Variants in KCNMA1 observed in about 807,000 individuals in gnomAD.
KCNMA1 encodes the protein potassium calcium-activated channel subfamily M alpha 1.
Under a neutral mutation model 140.0 loss-of-function variants are expected in KCNMA1, and 29 were observed. That is an observed-to-expected ratio of 0.21 (90% CI 0.15 to 0.28). KCNMA1 has a LOEUF of 0.28. Ranked by LOEUF, KCNMA1 falls within the 10% of genes least tolerant of loss-of-function variation. The pLI is 1.00. For missense variants in KCNMA1, 880 were observed against 1,602.2 expected (o/e 0.55, Z 7.70); for synonymous variants, 612 against 611.9 (o/e 1.00, Z 0.00).
chr10:76,931,415 T>A (rs2059240661), intron 23 of KCNMA1, among the ~76,000 whole-genome samples: 1 of 151,906 alleles, frequency 6.6e-6, no homozygotes, highest in Non-Finnish European at 1.5e-5. Flanking sequence ...ACAGAGAAGA[T>A]TCATTATTAG....
intron 5 of KCNMA1, among the ~76,000 whole-genome samples, chr10:77,167,669 C>T (rs1446398315): frequency 6.6e-6 from 1 of 151,580 alleles, no homozygotes; most frequent in Non-Finnish European, 1.5e-5. Flanking sequence ...AAGGCACGCT[C>T]ATTTTCTTTT....
intron 10 of KCNMA1, 77 bp downstream of exon 10, chr10:77,090,323 C>T (rs1012367398): frequency 2.8e-5 from 28 of 1,012,124 alleles, no homozygotes; most frequent in Non-Finnish European, 4.3e-5. Context: ...AAGACCTCCA[C>T]TCTTACAGAC....
chr10:77,482,561 C>T (rs1237135166), intron 1 of KCNMA1, among the ~76,000 whole-genome samples: 1 of 152,118 alleles, frequency 6.6e-6, no homozygotes, highest in Non-Finnish European at 1.5e-5. Flanking sequence ...CATCTCTCTG[C>T]CAACTAAAGC....
At chr10:77,278,081 C>A (rs1399445058) in intron 2 of KCNMA1, among the ~76,000 whole-genome samples, 1 of 152,120 alleles carries the variant, frequency 6.6e-6, no homozygotes, top group Non-Finnish European at 1.5e-5. Flanking sequence ...CTGTTGTAGA[C>A]CTTTGTGACA....
intron 12 of KCNMA1, among the ~76,000 whole-genome samples, chr10:77,083,526 G>GAGGGC (rs370787964): frequency 4.0e-5 from 6 of 149,660 alleles, no homozygotes; most frequent in South Asian, 2.1e-4. Flanking sequence ...AAAAAAAAGG[G>GAGGGC]AGGGCAGGGC....
chr10:77,394,290 TG>T (rs147893415), intron 2 of KCNMA1, among the ~76,000 whole-genome samples: 22,807 of 152,082 alleles, frequency 0.15, 2,211 homozygotes, highest in Non-Finnish European at 0.22. Flanking sequence ...ACAGCAGCCC[TG>T]GGGAGGGCAG....
Position 77,379,910 on chromosome 10 carries a change from G to A in KCNMA1, c.540+23952C>T, listed in dbSNP as rs559791454. Among the ~76,000 whole-genome samples the A allele has an allele frequency of 1.7e-4, 26 of 152,256 alleles. No individual in the cohort carries two copies. In the East Asian group the frequency reaches 2.5e-3, roughly 15 times the overall value. ...TAAGGGAACTGAGCCAGCCTCCCAC[G>A]TCAGTTTCCTCCCCTATGGGCTCCA... On this transcript the variant is annotated intron_variant, in intron 2 of 27. Transcript: ENST00000286628.
intron 4 of KCNMA1, among the ~76,000 whole-genome samples, chr10:77,183,893 T>A (rs1200429066): frequency 2.0e-5 from 3 of 152,210 alleles, no homozygotes; most frequent in Non-Finnish European, 2.9e-5. Flanking sequence ...TAGTGCCCCA[T>A]AGAGAGCCCT....
intron 6 of KCNMA1, among the ~76,000 whole-genome samples, chr10:77,118,641 G>A (rs1470107341): frequency 6.6e-6 from 1 of 152,132 alleles, no homozygotes; most frequent in African/African-American, 2.4e-5. Context: ...GCCCCATGAG[G>A]ATGACACTTT....
At chr10:76,893,751 G>T (rs1490610861) in intron 25 of KCNMA1, among the ~76,000 whole-genome samples, 1 of 151,886 alleles carries the variant, frequency 6.6e-6, no homozygotes, top group African/African-American at 2.4e-5. Context: ...GAAAAATAAT[G>T]AATAAAATAC....
intron 13 of KCNMA1, chr10:77,077,866 T>A (rs1159130443): frequency 6.6e-6 from 1 of 152,212 alleles, no homozygotes; most frequent in Admixed American, 6.5e-5. Flanking sequence ...GTCCTTGGGT[T>A]TTCCAGAGAC....
intron 16 of KCNMA1, among the ~76,000 whole-genome samples, chr10:77,026,148 A>G (rs905408379): frequency 6.6e-6 from 1 of 152,122 alleles, no homozygotes; most frequent in African/African-American, 2.4e-5. Flanking sequence ...GAATAGTGAC[A>G]TTGAGTTCAC....
intron 5 of KCNMA1, among the ~76,000 whole-genome samples, chr10:77,157,915 A>G (rs1306815786): frequency 6.6e-6 from 1 of 152,128 alleles, no homozygotes; most frequent in Non-Finnish European, 1.5e-5. Context: ...CCTCCTCCTT[A>G]GCGATGGGCT....
intron 2 of KCNMA1, among the ~76,000 whole-genome samples, chr10:77,312,584 A>C (rs993390057): frequency 1.3e-5 from 2 of 152,182 alleles, no homozygotes; most frequent in Non-Finnish European, 2.9e-5. Flanking sequence ...TGAAATCGTG[A>C]CACTGCACTC....
chr10:77,495,476 C>T (rs2041573870), intron 1 of KCNMA1, among the ~76,000 whole-genome samples: 1 of 152,250 alleles, frequency 6.6e-6, no homozygotes, highest in Non-Finnish European at 1.5e-5. Flanking sequence ...CTGACTGTGG[C>T]TCACTCCTTT....
intron 5 of KCNMA1, among the ~76,000 whole-genome samples, chr10:77,144,476 A>C (rs2098249723): frequency 6.6e-6 from 1 of 152,178 alleles, no homozygotes; most frequent in Non-Finnish European, 1.5e-5. Context: ...CAGGATAGTA[A>C]AAATGTTCTC....
Position 76,885,308 on chromosome 10 carries a change from G to A in KCNMA1, c.*1958C>T. 1 of 861,082 alleles carries A rather than the reference G, an allele frequency of 1.2e-6. No homozygotes were observed. The highest frequency in any genetic ancestry group is 1.4e-6 in the Non-Finnish European group (1 of 718,732). 53.3% of individuals were successfully genotyped at this position (861,082 alleles called of 1,614,324 possible). A position where few individuals can be genotyped will look rare whatever the true frequency, so the allele number is the denominator to read the frequency against. ...TACATAATATAAATCAATATATAGA[G>A]GGACAAAAATAATTTGAAAAAATTC... On this transcript the variant is annotated 3_prime_UTR_variant, in exon 28 of 28. Transcript: ENST00000286628.
intron 25 of KCNMA1, among the ~76,000 whole-genome samples, chr10:76,894,671 A>C (rs543921682): frequency 6.6e-6 from 1 of 152,208 alleles, no homozygotes; most frequent in Non-Finnish European, 1.5e-5. Context: ...AGAAGACTTA[A>C]ACATTTCTCC....
At position 77,073,255 on chromosome 10, in the gene KCNMA1, G is replaced by T. The variant is rs764253590; in HGVS notation, c.1594-3C>A. ...CTCGGGATGTTTAGCAGATGGGCCT[G>T]GGGAAAGAAAAGCAGGTATGAGACC... On this transcript the variant is annotated splice_region_variant and splice_polypyrimidine_tract_variant and intron_variant, in intron 13 of 27. Transcript: ENST00000286628. 6.2e-7 allele frequency: 1 copy of T among 1,613,952 alleles called. No individual in the cohort carries two copies. The highest frequency in any genetic ancestry group is 1.1e-5 in the South Asian group (1 of 91,062).
Sources: allele counts gnomAD v4.1 joint callset (sites outside exome capture counted in the v4.1 genomes callset), GRCh38; gene constraint gnomAD v4.1.1; transcripts MANE v1.5; gene names NCBI Gene and HGNC (gene_info 2026-07-23, HGNC 2026-07-21).